TRIM54: variants seen among roughly 807,000 people sequenced by gnomAD.
TRIM54 encodes tripartite motif-containing protein 54.
In TRIM54, 40 loss-of-function variants were observed where a neutral mutation model predicts 42.0. That is an observed-to-expected ratio of 0.95 (90% CI 0.74 to 1.24). The LOEUF (loss-of-function observed/expected upper bound fraction) is 1.24. Among genes scored for constraint, TRIM54 ranks in the 50% most tolerant of loss-of-function variants. The pLI, the probability that TRIM54 is intolerant of heterozygous loss-of-function variation, is 0.00. For missense variants in TRIM54, 485 were observed against 480.3 expected (o/e 1.01, Z -0.09); for synonymous variants, 199 against 194.9 (o/e 1.02, Z -0.17).
intron 1 of TRIM54, among the ~76,000 whole-genome samples, chr2:27,286,749 CAAGA>C (rs907914808): frequency 7.9e-5 from 12 of 152,176 alleles, no homozygotes; most frequent in Non-Finnish European, 1.8e-4. Context: ...GGGGGATTGT[CAAGA>C]AAGAAGCCTC....
At chr2:27,289,624 ACT>A (rs888158145) in intron 1 of TRIM54, among the ~76,000 whole-genome samples, 1 of 151,720 alleles carries the variant, frequency 6.6e-6, no homozygotes, top group African/African-American at 2.4e-5. Flanking sequence ...GCCAGATTTT[ACT>A]CTTTTTATGT....
chr2:27,305,839 C>A (rs1247960670), intron 5 of TRIM54, 22 bp downstream of exon 5: 2 of 1,545,608 alleles, frequency 1.3e-6, no homozygotes, highest in Admixed American at 3.8e-5. Flanking sequence ...GGGAGGGTGG[C>A]AGCGCTGCAC....
chr2:27,289,146 G>T (rs565514166), intron 1 of TRIM54, among the ~76,000 whole-genome samples: 1 of 152,126 alleles, frequency 6.6e-6, no homozygotes. Context: ...TTAAAATCAG[G>T]GTAGGGAGTA....
rs375943014 is a variant in TRIM54, at chr2:27,282,899, G to T, written c.168G>T (p.Gln56His). The change falls in exon 1 of 9, where the codon CAG (glutamine) becomes CAT (histidine). Residue 56 changes from glutamine to histidine, a missense_variant and splice_region_variant. Physicochemically the swap from Gln to His is conservative, Grantham distance 24. Transcript: ENST00000380075. Reference protein sequence around the residue: ...LCRKCANDVFQASNPLWQSRG... With the variant: ...LCRKCANDVFHASNPLWQSRG... The stretch of plus-strand genomic sequence containing the variant: ...GCAAATGTGCCAACGACGTCTTCCA[G>T]GTGGGTGCCAGGGACGGGGCAGGGC... The T allele has an allele frequency of 2.2e-5, 35 of 1,610,712 alleles. No individual in the cohort carries two copies. Among genetic ancestry groups the T allele is most frequent in the Non-Finnish European group, 2.9e-5 (34 of 1,178,234 alleles).
chr2:27,287,048 G>T (rs1678586472), intron 1 of TRIM54, among the ~76,000 whole-genome samples: 1 of 152,168 alleles, frequency 6.6e-6, no homozygotes, highest in Admixed American at 6.5e-5. Flanking sequence ...CTGTAGGGAA[G>T]ATCTTGATTT....
chr2:27,305,583 G>C lies in TRIM54; in HGVS notation c.610-1G>C. On this transcript the variant is annotated splice_acceptor_variant, in intron 4 of 8. Transcript: ENST00000380075. LOFTEE classifies it high-confidence loss of function. ...CCTCATCCTTGCTCCCCATCTTTTAGGACAATAGCCGGAGGCAGAAGCAGT... is the reference window on the plus strand; with the variant it reads ...CCTCATCCTTGCTCCCCATCTTTTACGACAATAGCCGGAGGCAGAAGCAGT... 6.2e-7 allele frequency: 1 copy of C among 1,611,806 alleles called. No homozygotes were observed. Among genetic ancestry groups the C allele is most frequent in the Non-Finnish European group, 8.5e-7 (1 of 1,178,570 alleles).
Position 27,282,628 on chromosome 2 carries a change from T to G in TRIM54, c.-104T>G. 1 of 1,263,994 alleles carries G rather than the reference T, an allele frequency of 7.9e-7. No homozygotes were observed. 78.3% of individuals were successfully genotyped at this position (1,263,994 alleles called of 1,614,324 possible). A position where few individuals can be genotyped will look rare whatever the true frequency, so the allele number is the denominator to read the frequency against. ...AGAGAAAGCAGAGCTATTTCAAGAGTGAGCCACAGAAGGGAATCCAGAGGC... is the reference window on the plus strand; with the variant it reads ...AGAGAAAGCAGAGCTATTTCAAGAGGGAGCCACAGAAGGGAATCCAGAGGC... On this transcript the variant is annotated 5_prime_UTR_variant, in exon 1 of 9. Transcript: ENST00000380075.
intron 3 of TRIM54, among the ~76,000 whole-genome samples, chr2:27,302,873 T>C (rs1679073235): frequency 6.6e-6 from 1 of 152,230 alleles, no homozygotes; most frequent in South Asian, 2.1e-4. Context: ...GGTATGTTAC[T>C]GGACCTTTGT....
rs1318673894 is a variant in TRIM54 at position 27,306,303 on chromosome 2, G to A, written c.957G>A (p.Val319=). Reference sequence around the variant, plus strand: ...AATTCACCGTAAGGGTGGAGCACGTGGCCGAAATGCTGCGGACCATCGACT... The same window carrying A: ...AATTCACCGTAAGGGTGGAGCACGTAGCCGAAATGCTGCGGACCATCGACT... ...MEQFTVRVEH[V]AEMLRTIDFQ... Residue 319 remains valine, a synonymous_variant, in exon 7 of 9, where the codon GTG becomes GTA. Transcript: ENST00000380075. The surrounding 1 kb of genome is among the most constrained non-coding windows in gnomAD (Gnocchi z 6.1). 2.5e-6 allele frequency: 4 copies of A among 1,614,058 alleles called. No homozygotes were observed. Among genetic ancestry groups the A allele is most frequent in the Non-Finnish European group, 3.4e-6 (4 of 1,180,028 alleles).
rs372614144 is a variant in TRIM54 at position 27,306,491 on chromosome 2, G to A, written c.1027G>A (p.Gly343Arg). 31 of 1,584,200 alleles carry A rather than the reference G, an allele frequency of 2.0e-5. No individual in the cohort carries two copies. Among genetic ancestry groups the A allele is most frequent in the Non-Finnish European group, 2.6e-5 (30 of 1,164,772 alleles). Residue 343 changes from glycine (G) to arginine (R), a missense_variant, in exon 8 of 9, where the codon GGA (glycine) becomes AGA (arginine). Transcript: ENST00000380075. The surrounding 1 kb of genome is among the most constrained non-coding windows in gnomAD (Gnocchi z 6.1). ...SGEEEEVAPD[G>R]EEGSAGPEEE... ...GGAGGAAGAGGAGGTGGCCCCAGAC[G>A]GAGAGGAGGGCAGCGCGGGGCCGGA...
Position 27,299,593 on chromosome 2 carries a change from C to T in TRIM54, c.513+177C>T. On this transcript the variant is annotated intron_variant, in intron 3 of 8. Coordinates refer to ENST00000380075, the MANE Select transcript of TRIM54 (RefSeq NM_187841.3). ...TGGCACAAACACAACTTACTGCAGC[C>T]TTGATCTCCCGAGCTCAAGTGATCC... 7.2e-7 allele frequency: 1 copy of T among 1,381,036 alleles called. No individual in the cohort carries two copies. Among genetic ancestry groups the T allele is most frequent in the Non-Finnish European group, 9.9e-7 (1 of 1,008,212 alleles). 85.5% of individuals were successfully genotyped at this position (1,381,036 alleles called of 1,614,324 possible).
At position 27,305,653 on chromosome 2, in the gene TRIM54, C is replaced by G. The variant is rs370405962; in HGVS notation, c.679C>G (p.Arg227Gly). 1.7e-5 allele frequency: 27 copies of G among 1,613,566 alleles called. No individual in the cohort carries two copies. In the African/African-American group the frequency reaches 1.9e-4, roughly 11 times the overall value. Residue 227 changes from arginine to glycine, a missense_variant, in exon 5 of 9, where the codon CGC becomes GGC. Arg to Gly is a moderately radical substitution (Grantham distance 125). Coordinates refer to ENST00000380075, the MANE Select transcript of TRIM54 (RefSeq NM_187841.3). ...GAGCCTGTGCGCAGTGCTGGAGGAGCGCAAGGGTGAGCTGCTGCAGGCGCT... is the reference window on the plus strand; with the variant it reads ...GAGCCTGTGCGCAGTGCTGGAGGAGGGCAAGGGTGAGCTGCTGCAGGCGCT... ...FESLCAVLEE[R>G]KGELLQALAR... is the part of the protein sequence containing the mutation.
intron 1 of TRIM54, among the ~76,000 whole-genome samples, chr2:27,287,439 T>C (rs1678604528): frequency 6.6e-6 from 1 of 152,056 alleles, no homozygotes; most frequent in African/African-American, 2.4e-5. Flanking sequence ...ACTCCTGGAC[T>C]CAAAGGATCC....
At chr2:27,294,350 C>A (rs545258001) in intron 1 of TRIM54, among the ~76,000 whole-genome samples, 1 of 152,078 alleles carries the variant, frequency 6.6e-6, no homozygotes, top group Admixed American at 6.5e-5. Flanking sequence ...TGAACTCCTG[C>A]ACTCAAGCCA....
chr2:27,306,673 G>A lies in TRIM54; in HGVS notation c.*1+131G>A, dbSNP rs1405411647. 3 of 991,092 alleles carry A rather than the reference G, an allele frequency of 3.0e-6. No individual in the cohort carries two copies. Among genetic ancestry groups the A allele is most frequent in the African/African-American group, 1.6e-5 (1 of 60,874 alleles). 61.4% of individuals were successfully genotyped at this position (991,092 alleles called of 1,614,324 possible). A position where few individuals can be genotyped will look rare whatever the true frequency, so the allele number is the denominator to read the frequency against. On this transcript the variant is annotated intron_variant, in intron 8 of 8. Coordinates refer to ENST00000380075, the MANE Select transcript of TRIM54 (RefSeq NM_187841.3). This position sits in a 1 kb window ranked among gnomAD's most constrained non-coding sequence, Gnocchi z 6.1. ...GGGTAGCGTGGAGCCCCCACTCCTC[G>A]GTGCAACCCAACCCCGGAGCCACAA...
Position 27,305,604 on chromosome 2 carries a change from G to A in TRIM54, c.630G>A (p.Lys210=). ...QTIEDNSRRQ[K]QLLNQRFESL... is the part of the protein sequence containing the mutation. ...TTTAGGACAATAGCCGGAGGCAGAAGCAGTTGTTAAACCAGAGGTTTGAGA... is the reference window on the plus strand; with the variant it reads ...TTTAGGACAATAGCCGGAGGCAGAAACAGTTGTTAAACCAGAGGTTTGAGA... The change falls in exon 5 of 9, where the codon AAG becomes AAA. Residue 210 remains lysine (K), a synonymous_variant. Transcript: ENST00000380075. 1.9e-6 allele frequency: 3 copies of A among 1,613,502 alleles called. No homozygotes were observed. The highest frequency in any genetic ancestry group is 1.7e-6 in the Non-Finnish European group (2 of 1,179,666).
At position 27,299,049 on chromosome 2, in the gene TRIM54, T is replaced by G. The variant is rs543395756; in HGVS notation, c.342-196T>G. On this transcript the variant is annotated intron_variant, in intron 2 of 8. Transcript: ENST00000380075. ...TGCCCCCTTGTAATACAGACTGTTC[T>G]CGGATCCAGGCCTCCTCTATCTCTT... Among the ~76,000 whole-genome samples the G allele has an allele frequency of 7.9e-5, 12 of 152,334 alleles. No individual in the cohort carries two copies. In the South Asian group the frequency reaches 1.7e-3, roughly 21 times the overall value.
intron 3 of TRIM54, among the ~76,000 whole-genome samples, chr2:27,300,137 C>T (rs1678989799): frequency 6.6e-6 from 1 of 152,002 alleles, no homozygotes; most frequent in African/African-American, 2.4e-5. Flanking sequence ...CCACCATGAC[C>T]AGCTAATTAT....
At chr2:27,293,976 TCCTGCCA>T (rs1678793742) in intron 1 of TRIM54, among the ~76,000 whole-genome samples, 2 of 152,032 alleles carry the variant, frequency 1.3e-5, no homozygotes, top group South Asian at 4.1e-4. Context: ...TGAGCCAAGA[TCCTGCCA>T]CTGCACTCCA....
Sources: gnomAD v4.1 joint callset for allele counts (sites outside exome capture counted in the v4.1 genomes callset) on GRCh38, gnomAD v4.1.1 for gene constraint, Gnocchi (gnomAD v3.1) non-coding constraint, MANE v1.5 for transcripts, NCBI Gene and HGNC (gene_info 2026-07-23, HGNC 2026-07-21) for gene names.